STK3: variants seen among roughly 807,000 people sequenced by gnomAD.
STK3 encodes the protein serine/threonine kinase 3, also known as serine/threonine-protein kinase 3.
Under a neutral mutation model 58.0 loss-of-function variants are expected in STK3, and 41 were observed. The ratio of observed to expected loss-of-function variants is 0.71; its 90% CI spans 0.55 to 0.92. STK3 has a LOEUF of 0.92. STK3 is among the 40% of genes least tolerant of loss of function. STK3 has a pLI of 0.00. For missense variants in STK3, 479 were observed against 602.7 expected (o/e 0.79, Z 2.15); for synonymous variants, 170 against 191.0 (o/e 0.89, Z 0.91).
rs537489873 is a variant in STK3, at chr8:98,922,428, A to G, written c.-79+19950T>C. ...GAACATCTGTAATGTTTGAGTCACA[A>G]TTAGTCTCATTTTATTTTCTATTAC... On this transcript the variant is annotated intron_variant, in intron 1 of 1. Coordinates refer to the STK3 transcript ENST00000519420. Among the ~76,000 whole-genome samples, 100 of 152,348 alleles carry G rather than the reference A, an allele frequency of 6.6e-4. 3 individuals carry two copies. In the South Asian group the frequency reaches 0.018, roughly 27 times the overall value.
chr8:98,467,402 G>A (rs1233402500), intron 10 of STK3, among the ~76,000 whole-genome samples: 2 of 152,082 alleles, frequency 1.3e-5, no homozygotes, highest in Non-Finnish European at 2.9e-5. Flanking sequence ...GGAGGGAGGC[G>A]GCTGGCTTCA....
chr8:98,844,046 C>A (rs574297027), intron 3 of STK3, among the ~76,000 whole-genome samples: 1 of 152,314 alleles, frequency 6.6e-6, no homozygotes, highest in African/African-American at 2.4e-5. Context: ...GTCCTAGCTA[C>A]TCAGGAGGCT....
At chr8:98,545,683 T>C (rs925533181) in intron 9 of STK3, among the ~76,000 whole-genome samples, 4 of 152,078 alleles carry the variant, frequency 2.6e-5, no homozygotes, top group Non-Finnish European at 5.9e-5. Context: ...GAAAAAGAGA[T>C]GAAATTCTAA....
In STK3 at chr8:98,526,870, A is replaced by C. The variant is rs770322622; in HGVS notation, c.1189T>G (p.Phe397Val). The change falls in exon 10 of 11, where the codon TTT (phenylalanine) becomes GTT (valine). Residue 397 changes from phenylalanine to valine, a missense_variant. By Grantham distance (50) the Phe-to-Val change is conservative. Coordinates refer to ENST00000419617, the MANE Select transcript of STK3 (RefSeq NM_006281.4). Reference sequence around the variant, plus strand: ...TTATTCTTGAAGTCTTGCTTATCAAAGTAGTCCATGAAAGATGGTCTTTGT... The same window carrying C: ...TTATTCTTGAAGTCTTGCTTATCAACGTAGTCCATGAAAGATGGTCTTTGT... ...QVQRPSFMDY[F>V]DKQDFKNKSH... 1.3e-6 allele frequency: 2 copies of C among 1,598,082 alleles called. No homozygotes were observed. Among genetic ancestry groups the C allele is most frequent in the Non-Finnish European group, 1.7e-6 (2 of 1,169,966 alleles).
intron 1 of STK3, among the ~76,000 whole-genome samples, chr8:98,443,988 C>T (rs1032727925): frequency 1.3e-5 from 2 of 152,074 alleles, no homozygotes; most frequent in Non-Finnish European, 2.9e-5. Context: ...ATTTAAATCA[C>T]GTTTATTTTA....
intron 1 of STK3, among the ~76,000 whole-genome samples, chr8:98,885,104 C>A (rs916222199): frequency 1.3e-5 from 2 of 152,316 alleles, no homozygotes; most frequent in Admixed American, 6.5e-5. Context: ...TTGTAACTGG[C>A]CACATTATTA....
chr8:98,460,515 C>T (rs543527269), intron 10 of STK3, among the ~76,000 whole-genome samples: 15 of 152,258 alleles, frequency 9.9e-5, no homozygotes, highest in Admixed American at 2.0e-4. Context: ...TATTTTGAAA[C>T]GTAAGGACAT....
At chr8:98,921,812 C>T (rs1839575885) in intron 1 of STK3, among the ~76,000 whole-genome samples, 1 of 152,198 alleles carries the variant, frequency 6.6e-6, no homozygotes, top group Admixed American at 6.5e-5. Context: ...CTGCCTCAGC[C>T]TCCCAAGCAC....
intron 10 of STK3, among the ~76,000 whole-genome samples, chr8:98,486,421 G>T (rs1007889064): frequency 2.6e-5 from 4 of 152,184 alleles, no homozygotes; most frequent in Non-Finnish European, 5.9e-5. Context: ...CAGAGGATAA[G>T]GTGTGTGTAA....
intron 1 of STK3, among the ~76,000 whole-genome samples, chr8:98,447,999 TG>T (rs138817817): frequency 0.011 from 1,538 of 145,836 alleles, 16 homozygotes; most frequent in Middle Eastern, 0.025. Flanking sequence ...CAATATAAAC[TG>T]AAAAAAAAAA....
chr8:98,663,212 A>G (rs184435158), intron 6 of STK3, among the ~76,000 whole-genome samples: 2 of 152,346 alleles, frequency 1.3e-5, no homozygotes, highest in African/African-American at 4.8e-5. Context: ...TGGGTGAAGG[A>G]TATGAACAGA....
chr8:98,934,487 A>T (rs1277012182), intron 1 of STK3, among the ~76,000 whole-genome samples: 1 of 152,240 alleles, frequency 6.6e-6, no homozygotes, highest in Non-Finnish European at 1.5e-5. Flanking sequence ...AGGGGCAAGT[A>T]GTGGCAATAT....
chr8:98,711,017 C>G (rs1182694775), intron 4 of STK3, among the ~76,000 whole-genome samples: 1 of 152,136 alleles, frequency 6.6e-6, no homozygotes, highest in African/African-American at 2.4e-5. Flanking sequence ...TTGCTCATAC[C>G]CAGGCAAACA....
chr8:98,372,773 T>C (rs1252730473), intron 2 of STK3, among the ~76,000 whole-genome samples: 1 of 152,162 alleles, frequency 6.6e-6, no homozygotes, highest in African/African-American at 2.4e-5. Flanking sequence ...GAGAAGAGCA[T>C]GGGTTGTGAA....
chr8:98,487,594 C>T (rs1406913744), intron 10 of STK3, among the ~76,000 whole-genome samples: 1 of 152,184 alleles, frequency 6.6e-6, no homozygotes, highest in East Asian at 1.9e-4. Context: ...GCATTCCATT[C>T]CACTTATAAA....
downstream of STK3, chr8:98,879,164 C>T (rs1177619076): frequency 1.3e-5 from 2 of 152,224 alleles, no homozygotes; most frequent in Non-Finnish European, 2.9e-5. Flanking sequence ...AACCCATGCA[C>T]ATCCTCCTGT....
At chr8:98,886,759 T>G (rs549354296) in intron 1 of STK3, among the ~76,000 whole-genome samples, 197 of 152,268 alleles carry the variant, frequency 1.3e-3, no homozygotes, top group African/African-American at 4.4e-3. Flanking sequence ...TACATAATGG[T>G]GGAGTACTTG....
chr8:98,414,514 A>C (rs1818092744), intron 3 of STK3, among the ~76,000 whole-genome samples: 1 of 152,194 alleles, frequency 6.6e-6, no homozygotes, highest in Non-Finnish European at 1.5e-5. Flanking sequence ...TCCACCCCAC[A>C]AATAGAACCT....
intron 1 of STK3, among the ~76,000 whole-genome samples, chr8:98,887,969 T>C (rs1838053420): frequency 6.6e-6 from 1 of 152,158 alleles, no homozygotes; most frequent in Non-Finnish European, 1.5e-5. Flanking sequence ...AGTGTTCACA[T>C]GCTGGGGGGA....
Sources: gnomAD v4.1 joint callset for allele counts (sites outside exome capture counted in the v4.1 genomes callset) on GRCh38, gnomAD v4.1.1 for gene constraint, MANE v1.5 for transcripts, NCBI Gene and HGNC (gene_info 2026-07-23, HGNC 2026-07-21) for gene names.